The following PTPRD variants were observed in gnomAD, a reference collection of about 807,000 sequenced individuals.
PTPRD encodes receptor-type tyrosine-protein phosphatase delta.
A neutral mutation model predicts 214.5 loss-of-function variants in PTPRD; 34 were observed. That is an observed-to-expected ratio of 0.16 (90% CI 0.12 to 0.21). The LOEUF (loss-of-function observed/expected upper bound fraction) is 0.21. Ranked by LOEUF, PTPRD falls within the 10% of genes least tolerant of loss-of-function variation. The pLI is 1.00. For missense variants in PTPRD, 2,545 were observed against 2,398.7 expected, an observed-to-expected ratio of 1.06 and a Z score of -1.27; for synonymous variants, 1,128 against 845.7, an observed-to-expected ratio of 1.33 and a Z score of -5.79.
intron 7 of PTPRD, among the ~76,000 whole-genome samples, chr9:9,605,389 G>A (rs1444296172): frequency 6.6e-6 from 1 of 151,994 alleles, no homozygotes; most frequent in Non-Finnish European, 1.5e-5. Context: ...CTCCTTAAAT[G>A]AAGAAATAAG....
chr9:8,806,777 T>C (rs1342708245), intron 11 of PTPRD, among the ~76,000 whole-genome samples: 1 of 152,118 alleles, frequency 6.6e-6, no homozygotes, highest in Non-Finnish European at 1.5e-5. Context: ...AGATTACTGT[T>C]AGAAATATAT....
At chr9:8,498,311 C>G (rs770147958) in intron 25 of PTPRD, among the ~76,000 whole-genome samples, 10 of 152,124 alleles carry the variant, frequency 6.6e-5, no homozygotes, top group African/African-American at 2.4e-4. Context: ...CAATCTTCCT[C>G]TGTTGCCAGG....
chr9:8,677,320 G>A (rs1048141755), intron 12 of PTPRD, among the ~76,000 whole-genome samples: 2 of 152,164 alleles, frequency 1.3e-5, no homozygotes, highest in African/African-American at 4.8e-5. Context: ...ATATATACAT[G>A]AGGAAATACT....
chr9:8,948,147 G>C (rs1178821195), intron 11 of PTPRD, among the ~76,000 whole-genome samples: 3 of 150,488 alleles, frequency 2.0e-5, no homozygotes, highest in African/African-American at 7.3e-5. Context: ...AGTTTCCCGA[G>C]TAGCTGGGAC....
chr9:10,513,961 C>T (rs1171790405), intron 2 of PTPRD, among the ~76,000 whole-genome samples: 5 of 152,122 alleles, frequency 3.3e-5, no homozygotes, highest in African/African-American at 1.2e-4. Flanking sequence ...AAAGAAGGCA[C>T]ACAGATGGAG....
At chr9:10,304,629 T>C (rs2095994121) in intron 3 of PTPRD, among the ~76,000 whole-genome samples, 1 of 150,950 alleles carries the variant, frequency 6.6e-6, no homozygotes, top group African/African-American at 2.4e-5. Flanking sequence ...TAGACAGAGA[T>C]TCAAATCATG....
intron 8 of PTPRD, among the ~76,000 whole-genome samples, chr9:9,410,224 AT>A (rs2074943858): frequency 6.6e-6 from 1 of 152,204 alleles, no homozygotes; most frequent in Non-Finnish European, 1.5e-5. Context: ...TCCATATGGT[AT>A]TTCAGTAATG....
At chr9:9,106,084 A>G (rs1158471160) in intron 10 of PTPRD, among the ~76,000 whole-genome samples, 1 of 152,142 alleles carries the variant, frequency 6.6e-6, no homozygotes, top group Non-Finnish European at 1.5e-5. Flanking sequence ...GAACATGGCA[A>G]CTACAACTAC....
At chr9:8,965,381 G>T (rs868821839) in intron 11 of PTPRD, among the ~76,000 whole-genome samples, 1 of 126,922 alleles carries the variant, frequency 7.9e-6, no homozygotes. Flanking sequence ...CTCTGCTTCA[G>T]AAAAAAAAAA....
intron 10 of PTPRD, among the ~76,000 whole-genome samples, chr9:9,041,961 G>A (rs2099641263): frequency 6.6e-6 from 1 of 152,120 alleles, no homozygotes. Context: ...GGCAGAAAAC[G>A]GACAATATAT....
At chr9:8,962,413 T>A (rs1327018909) in intron 11 of PTPRD, among the ~76,000 whole-genome samples, 1 of 152,082 alleles carries the variant, frequency 6.6e-6, no homozygotes, top group Non-Finnish European at 1.5e-5. Context: ...TTGTCTCTTT[T>A]CACATGGATT....
In PTPRD at chr9:8,486,073, T is replaced by C. The variant is rs766728235; in HGVS notation, c.2744A>G (p.Glu915Gly). Residue 915 changes from glutamate (E) to glycine (G), a missense_variant, in exon 28 of 46, where the codon GAA becomes GGA. Physicochemically the swap from Glu to Gly is moderately conservative, Grantham distance 98. Transcript: ENST00000381196. Reference sequence around the variant, plus strand: ...TTGAGGGAATCCAGTTGGTACTTCTTCTGGAATGGAAATCTCCTTCACCAT... The same window carrying C: ...TTGAGGGAATCCAGTTGGTACTTCTCCTGGAATGGAAATCTCCTTCACCAT... ...EEMVKEISIP[E>G]EVPTGFPQNL... is the part of the protein sequence containing the mutation. 5.0e-6 allele frequency: 8 copies of C among 1,614,180 alleles called. No homozygotes were observed. The East Asian group carries it at 1.3e-4, about 27-fold the overall frequency.
intron 2 of PTPRD, among the ~76,000 whole-genome samples, chr9:10,554,337 C>A (rs1207051398): frequency 6.6e-6 from 1 of 152,184 alleles, no homozygotes; most frequent in African/African-American, 2.4e-5. Flanking sequence ...ATAGAAGCAG[C>A]AAACTATAAA....
intron 9 of PTPRD, among the ~76,000 whole-genome samples, chr9:9,348,162 T>A (rs986958357): frequency 6.6e-6 from 1 of 152,166 alleles, no homozygotes; most frequent in Non-Finnish European, 1.5e-5. Flanking sequence ...TTTGATTTGG[T>A]ATCTTTAGAA....
At chr9:10,518,798 C>T (rs557025043) in intron 2 of PTPRD, among the ~76,000 whole-genome samples, 42 of 151,840 alleles carry the variant, frequency 2.8e-4, no homozygotes, top group South Asian at 6.2e-4. Flanking sequence ...TCCCAAAGTG[C>T]TGGGATTACA....
At chr9:9,999,655 C>T (rs2096260977) in intron 4 of PTPRD, among the ~76,000 whole-genome samples, 1 of 152,160 alleles carries the variant, frequency 6.6e-6, no homozygotes, top group Non-Finnish European at 1.5e-5. Flanking sequence ...ATGACACCCA[C>T]GATGTGGAAT....
At chr9:9,397,882 C>A (rs2141210333) in intron 8 of PTPRD, among the ~76,000 whole-genome samples, 1 of 152,090 alleles carries the variant, frequency 6.6e-6, no homozygotes, top group South Asian at 2.1e-4. Context: ...ATATACACCA[C>A]CTTCCTGAGC....
intron 8 of PTPRD, among the ~76,000 whole-genome samples, chr9:9,523,936 G>C (rs1468698689): frequency 6.6e-6 from 1 of 152,150 alleles, no homozygotes; most frequent in African/African-American, 2.4e-5. Context: ...GACTTCAGGA[G>C]CGAGCAGGTG....
At position 10,445,173 on chromosome 9, in the gene PTPRD, G is replaced by A. The variant is rs139551433; in HGVS notation, c.-599-104156C>T. Among the ~76,000 whole-genome samples, 582 of 152,108 alleles carry A rather than the reference G, an allele frequency of 3.8e-3. 3 individuals carry two copies. The highest frequency in any genetic ancestry group is 0.013 in the African/African-American group (554 of 41,564). On this transcript the variant is annotated intron_variant, in intron 2 of 45. Coordinates refer to ENST00000381196, the MANE Select transcript of PTPRD (RefSeq NM_002839.4). The stretch of plus-strand genomic sequence containing the variant: ...AAGGTACAAGAAACCAAAAAATCTT[G>A]CACTTACAGGAGGAACTAATTATAG...
Sources: allele counts gnomAD v4.1 joint callset (sites outside exome capture counted in the v4.1 genomes callset), GRCh38; gene constraint gnomAD v4.1.1; transcripts MANE v1.5; gene names NCBI Gene and HGNC (gene_info 2026-07-23, HGNC 2026-07-21).